CCNE2: variants seen among roughly 807,000 people sequenced by gnomAD.
The protein encoded by CCNE2 is G1/S-specific cyclin-E2.
CCNE2 carries 18 observed loss-of-function variants against 56.8 expected under a neutral mutation model. The observed-to-expected ratio is 0.32, with a 90% CI of 0.22 to 0.47. The LOEUF is 0.47. Among genes scored for constraint, CCNE2 ranks in the 20% least tolerant of loss-of-function variants. CCNE2 has a pLI of 1.00. For synonymous variants in CCNE2, 139 were observed against 149.2 expected (o/e 0.93, Z 0.50); for missense variants, 371 against 467.1 (o/e 0.79, Z 1.90).
At chr8:94,882,349 A>T in intron 10 of CCNE2, 60 bp from the exon 11 acceptor site, 1 of 1,319,784 alleles carries the variant, frequency 7.6e-7, no homozygotes, top group Non-Finnish European at 1.0e-6. Context: ...ACTATCTTAC[A>T]TATGTCTGAT....
chr8:94,882,931 A>G (rs764599289), intron 9 of CCNE2, 39 bp from the exon 10 acceptor site: 4 of 1,290,196 alleles, frequency 3.1e-6, no homozygotes, highest in South Asian at 1.2e-5. Context: ...TTTAGGAGAA[A>G]GATGAGTACT....
intron 7 of CCNE2, 36 bp from the exon 8 acceptor site, chr8:94,885,594 G>A: frequency 7.9e-7 from 1 of 1,260,930 alleles, no homozygotes; most frequent in Non-Finnish European, 1.1e-6. Flanking sequence ...GTACAATTGA[G>A]ATAGAAATTA....
chr8:94,885,395 T>C (rs1816997366), intron 8 of CCNE2, 68 bp downstream of exon 8: 3 of 1,120,668 alleles, frequency 2.7e-6, no homozygotes, highest in African/African-American at 3.1e-5. Context: ...GAGATTCAAT[T>C]ATAACTACTT....
rs893625614 is a variant in CCNE2 at position 94,881,266 on chromosome 8, G to A, written c.*366C>T. 1 of 354,490 alleles carries A rather than the reference G, an allele frequency of 2.8e-6. No homozygotes were observed. The allele number at this position is 354,490 out of a possible 1,614,324, so 22.0% of individuals were successfully genotyped here. A position where few individuals can be genotyped will look rare whatever the true frequency, so the allele number is the denominator to read the frequency against. Reference sequence around the variant, plus strand: ...TGTATCACTTAGTATACCCTTTAAGGTAGCACTTATCCAGTCCAAAACTCC... The same window carrying A: ...TGTATCACTTAGTATACCCTTTAAGATAGCACTTATCCAGTCCAAAACTCC... On this transcript the variant is annotated 3_prime_UTR_variant, in exon 12 of 12. Transcript: ENST00000308108.
At chr8:94,894,940 C>A (rs527939252) in intron 1 of CCNE2, among the ~76,000 whole-genome samples, 1 of 152,270 alleles carries the variant, frequency 6.6e-6, no homozygotes, top group South Asian at 2.1e-4. Context: ...GATAGCTCCC[C>A]AAATGAGGGT....
chr8:94,895,314 G>C, upstream of CCNE2: 2 of 946,962 alleles, frequency 2.1e-6, no homozygotes, highest in Non-Finnish European at 2.5e-6. Flanking sequence ...CCGTCCGCCC[G>C]CGTGCCCGCG....
chr8:94,889,186 C>A (rs28399568), intron 6 of CCNE2, among the ~76,000 whole-genome samples: 1,745 of 151,652 alleles, frequency 0.012, 34 homozygotes, highest in African/African-American at 0.04. Context: ...CAAAAAATGT[C>A]TTTTGCATCT....
In CCNE2 at chr8:94,890,321, C is replaced by A. The variant is rs1380930102; in HGVS notation, c.453+94G>T. 4.8e-6 allele frequency: 5 copies of A among 1,047,256 alleles called. No individual in the cohort carries two copies. In the African/African-American group the frequency reaches 8.3e-5, roughly 17 times the overall value. 64.9% of individuals were successfully genotyped at this position (1,047,256 alleles called of 1,614,324 possible). A position where few individuals can be genotyped will look rare whatever the true frequency, so the allele number is the denominator to read the frequency against. On this transcript the variant is annotated intron_variant, in intron 6 of 11. Coordinates refer to ENST00000308108, the MANE Select transcript of CCNE2 (RefSeq NM_057749.3). ...AAAAAGACAGCTTCCTGGGGATGAA[C>A]AATAAACTCTTGAGAGTACATAGAA... is the stretch of plus-strand genomic sequence containing the variant.
chr8:94,888,710 G>A (rs952223290), intron 6 of CCNE2, among the ~76,000 whole-genome samples: 1 of 152,122 alleles, frequency 6.6e-6, no homozygotes, highest in African/African-American at 2.4e-5. Flanking sequence ...ATTTTTAGTA[G>A]AGATGGGATT....
At chr8:94,884,868 A>AT (rs1563680527) in intron 9 of CCNE2, 199 bp downstream of exon 9, 1 of 458,242 alleles carries the variant, frequency 2.2e-6, no homozygotes, top group African/African-American at 1.9e-5. Context: ...AGTACTCAGA[A>AT]AAGTGTAAGG....
Position 94,882,835 on chromosome 8 carries a change from T to C in CCNE2, c.889A>G (p.Thr297Ala). 2 of 1,614,006 alleles carry C rather than the reference T, an allele frequency of 1.2e-6. No individual in the cohort carries two copies. Among genetic ancestry groups the C allele is most frequent in the Non-Finnish European group, 1.7e-6 (2 of 1,179,930 alleles). ...GTAAAATGGCACAAGGCAGCAGCAG[T>C]CAGTATTCTGTACTGGAACTCTAAT... Reference protein sequence around the residue: ...DSLEFQYRILTAAALCHFTSI... With the variant: ...DSLEFQYRILAAAALCHFTSI... Residue 297 changes from threonine (T) to alanine (A), a missense_variant, in exon 10 of 12, where the codon ACT becomes GCT. Coordinates refer to ENST00000308108, the MANE Select transcript of CCNE2 (RefSeq NM_057749.3).
chr8:94,893,582 C>T, intron 4 of CCNE2: 1 of 324,364 alleles, frequency 3.1e-6, no homozygotes, highest in African/African-American at 2.1e-5. Context: ...GGACCGTCTA[C>T]TAGAGTCTGC....
intron 7 of CCNE2, among the ~76,000 whole-genome samples, chr8:94,885,890 T>A (rs1227224358): frequency 1.3e-5 from 2 of 152,008 alleles, no homozygotes; most frequent in African/African-American, 4.8e-5. Flanking sequence ...GGCTATTTTT[T>A]GCATTTTCAG....
At chr8:94,895,495 C>G (rs1405820844), upstream of CCNE2, among the ~76,000 whole-genome samples, 72 of 152,332 alleles carry the variant, frequency 4.7e-4, 1 homozygote, top group Non-Finnish European at 1.9e-4. Flanking sequence ...GCTCGCGCAT[C>G]TCCCGCCAGT....
rs866339978 is a variant in CCNE2, at chr8:94,887,867, T to C, written c.600+60A>G. The C allele has an allele frequency of 1.4e-5, 16 of 1,153,498 alleles. No individual in the cohort carries two copies. The South Asian group carries it at 2.1e-4, about 15-fold the overall frequency. The allele number at this position is 1,153,498 out of a possible 1,614,324, so 71.5% of individuals were successfully genotyped here. ...AACATAGTATTCTTTGGGATTAATA[T>C]GTTGATTTAAAAAAAAGTTTGGGAT... On this transcript the variant is annotated intron_variant, in intron 7 of 11. Transcript: ENST00000308108.
chr8:94,883,896 A>G, intron 9 of CCNE2: 1 of 456,282 alleles, frequency 2.2e-6, no homozygotes, highest in Non-Finnish European at 4.4e-6. Flanking sequence ...TCATTGGTCC[A>G]GAAGGTAGGA....
At position 94,880,275 on chromosome 8, in the gene CCNE2, C is replaced by A; in HGVS notation, c.*1357G>T. The A allele has an allele frequency of 9.4e-7, 1 of 1,058,408 alleles. No homozygotes were observed. Among genetic ancestry groups the A allele is most frequent in the Non-Finnish European group, 1.4e-6 (1 of 701,488 alleles). 65.6% of individuals were successfully genotyped at this position (1,058,408 alleles called of 1,614,324 possible). A position where few individuals can be genotyped will look rare whatever the true frequency, so the allele number is the denominator to read the frequency against. ...TAACTTTTATTTTTTAAACAATGGGCTAAAAATAAACAGTATTAAAAGGTT... is the reference window on the plus strand; with the variant it reads ...TAACTTTTATTTTTTAAACAATGGGATAAAAATAAACAGTATTAAAAGGTT... On this transcript the variant is annotated 3_prime_UTR_variant, in exon 12 of 12. Transcript: ENST00000308108.
At chr8:94,896,348 T>A (rs1053906466), upstream of CCNE2, 1 of 148,134 alleles carries the variant, frequency 6.8e-6, no homozygotes, top group Non-Finnish European at 1.5e-5. Flanking sequence ...GCCCGAGCGC[T>A]GTTGGGAGGA....
At chr8:94,885,727 C>CTTTTTTTTTTTT (rs747420459) in intron 7 of CCNE2, among the ~76,000 whole-genome samples, 169 bp from the exon 8 acceptor site, 2 of 114,174 alleles carry the variant, frequency 1.8e-5, no homozygotes, top group African/African-American at 3.3e-5. Flanking sequence ...CATTTTCTTT[C>CTTTTTTTTTTTT]TTTTTTTTTT....
Sources: gnomAD v4.1 joint callset for allele counts (sites outside exome capture counted in the v4.1 genomes callset) on GRCh38, gnomAD v4.1.1 for gene constraint, MANE v1.5 for transcripts, NCBI Gene and HGNC (gene_info 2026-07-23, HGNC 2026-07-21) for gene names.